The following MALRD1 variants were observed in gnomAD, a reference collection of about 807,000 sequenced individuals.
MALRD1 encodes MAM and LDL-receptor class A domain-containing protein 1.
A neutral mutation model predicts 242.1 loss-of-function variants in MALRD1; 247 were observed. The ratio of observed to expected loss-of-function variants is 1.02; its 90% CI spans 0.92 to 1.13. The LOEUF is 1.13. MALRD1 is among the 50% of genes most tolerant of loss of function. The pLI is 0.00. For missense variants in MALRD1, 2,989 were observed against 2,533.1 expected (o/e 1.18, Z -3.86); for synonymous variants, 995 against 866.6 (o/e 1.15, Z -2.60).
intron 28 of MALRD1, among the ~76,000 whole-genome samples, chr10:19,440,271 T>C (rs879840991): frequency 8.5e-5 from 13 of 152,222 alleles, no homozygotes; most frequent in Non-Finnish European, 1.8e-4. Flanking sequence ...ATTGCTATTC[T>C]GTTTCATATT....
intron 14 of MALRD1, among the ~76,000 whole-genome samples, chr10:19,183,936 C>A (rs1323252989): frequency 1.3e-5 from 2 of 152,122 alleles, no homozygotes; most frequent in Non-Finnish European, 2.9e-5. Flanking sequence ...AGTTAAAACA[C>A]CACACACTGA....
chr10:19,680,908 A>G (rs1842341656), intron 36 of MALRD1, among the ~76,000 whole-genome samples: 1 of 152,078 alleles, frequency 6.6e-6, no homozygotes, highest in Non-Finnish European at 1.5e-5. Flanking sequence ...ATGAAGCTTA[A>G]TTTGGCCAGA....
intron 2 of MALRD1, among the ~76,000 whole-genome samples, chr10:19,071,640 C>A (rs1835151645): frequency 6.6e-6 from 1 of 152,118 alleles, no homozygotes; most frequent in Non-Finnish European, 1.5e-5. Context: ...TGAGTGAACA[C>A]CAGCATCTCC....
At position 19,094,606 on chromosome 10, in the gene MALRD1, T is replaced by A. The variant is rs151026058; in HGVS notation, c.597+6421T>A. On this transcript the variant is annotated intron_variant, in intron 4 of 39. Coordinates refer to ENST00000454679, the MANE Select transcript of MALRD1 (RefSeq NM_001142308.3). The stretch of plus-strand genomic sequence containing the variant: ...CGGAGCTGTTCCTATTTGGCCATCT[T>A]GGCTCCTCCCCCAACTTCCTCTTTC... Among the ~76,000 whole-genome samples the A allele has an allele frequency of 2.2e-3, 335 of 152,250 alleles. 1 individual carries two copies. Among genetic ancestry groups the A allele is most frequent in the African/African-American group, 7.8e-3 (323 of 41,566 alleles).
At chr10:19,349,076 C>G (rs1487995616) in intron 25 of MALRD1, among the ~76,000 whole-genome samples, 1 of 152,114 alleles carries the variant, frequency 6.6e-6, no homozygotes, top group African/African-American at 2.4e-5. Flanking sequence ...GTTCTCCTGC[C>G]TCAGATGCCT....
intron 33 of MALRD1, among the ~76,000 whole-genome samples, chr10:19,591,617 G>T (rs1328660558): frequency 6.6e-6 from 1 of 150,524 alleles, no homozygotes; most frequent in Non-Finnish European, 1.5e-5. Context: ...TCTTGCCTTA[G>T]CCTACTGAGT....
In MALRD1 at chr10:19,469,922, T is replaced by G. The variant is rs79219637; in HGVS notation, c.5029+19432T>G. Among the ~76,000 whole-genome samples, 901 of 152,096 alleles carry G rather than the reference T, an allele frequency of 5.9e-3. 13 individuals are homozygous for G. The highest frequency in any genetic ancestry group is 0.024 in the Admixed American group (364 of 15,292). On this transcript the variant is annotated intron_variant, in intron 29 of 39. Transcript: ENST00000454679. ...GACATATACCACACATCCCAAAGTT[T>G]CCTCCCATCCCCTTTATTGGACTTT...
chr10:19,658,981 G>A (rs940947742), intron 36 of MALRD1, among the ~76,000 whole-genome samples: 3 of 152,154 alleles, frequency 2.0e-5, no homozygotes, highest in Admixed American at 1.3e-4. Context: ...TTTGTTATCT[G>A]TAAGTGTTTT....
At chr10:19,458,989 C>A (rs1453095380) in intron 29 of MALRD1, among the ~76,000 whole-genome samples, 2 of 152,016 alleles carry the variant, frequency 1.3e-5, no homozygotes, top group Admixed American at 1.3e-4. Context: ...ACACACAGTG[C>A]AATCTACTAC....
intron 18 of MALRD1, among the ~76,000 whole-genome samples, chr10:19,219,273 C>CTTATACTAAT (rs1368119331): frequency 2.0e-5 from 3 of 151,998 alleles, no homozygotes; most frequent in African/African-American, 7.2e-5. Context: ...GCACTGGTCA[C>CTTATACTAAT]TTATACTAAT....
chr10:19,119,736 G>A (rs559806850), intron 5 of MALRD1, among the ~76,000 whole-genome samples: 1 of 152,292 alleles, frequency 6.6e-6, no homozygotes, highest in South Asian at 2.1e-4. Flanking sequence ...TGTGACTAAT[G>A]TTAGTCCTAC....
chr10:19,725,661 C>G (rs1834988355), intron 38 of MALRD1, among the ~76,000 whole-genome samples: 1 of 152,126 alleles, frequency 6.6e-6, no homozygotes, highest in Admixed American at 6.5e-5. Context: ...TTGGAGAACT[C>G]AAACTTCCAA....
In MALRD1 at chr10:19,365,659, TAAAAAAAAAAAAAA is replaced by T. The variant is rs199989681; in HGVS notation, c.4441+13378_4441+13391del. On this transcript the variant is annotated intron_variant, in intron 26 of 39. Transcript: ENST00000454679. ...GATAATTGACATGTTTTATAAATTC[TAAAAAAAAAAAAAA>T]AAAAAAAAAAAAAAACAAGCTACTA... Among the ~76,000 whole-genome samples the T allele has an allele frequency of 3.6e-3, 440 of 122,810 alleles. 3 individuals are homozygous for T. The highest frequency in any genetic ancestry group is 9.5e-3 in the African/African-American group (327 of 34,418). 80.6% of individuals were successfully genotyped at this position (122,810 alleles called of 152,430 possible). A position where few individuals can be genotyped will look rare whatever the true frequency, so the allele number is the denominator to read the frequency against.
At chr10:19,238,507 TATAATGTATATTA>T in intron 18 of MALRD1, among the ~76,000 whole-genome samples, 3 of 52,390 alleles carry the variant, frequency 5.7e-5, no homozygotes, top group African/African-American at 2.7e-4. Flanking sequence ...TAATATAATA[TATAATGTATATTA>T]TATATAATAT....
chr10:19,258,753 C>A (rs1182229620), intron 19 of MALRD1, among the ~76,000 whole-genome samples: 10 of 152,090 alleles, frequency 6.6e-5, no homozygotes, highest in African/African-American at 2.4e-4. Context: ...CTGGAGACAG[C>A]TGAATCCCTC....
chr10:19,724,133 A>G (rs975300428), intron 38 of MALRD1, among the ~76,000 whole-genome samples: 1 of 152,188 alleles, frequency 6.6e-6, no homozygotes, highest in Admixed American at 6.5e-5. Flanking sequence ...AATTTTAAAT[A>G]TGAACTATTG....
At position 19,432,104 on chromosome 10, in the gene MALRD1, GGTTA is replaced by G. The variant is rs1834156057; in HGVS notation, c.4846-18200_4846-18197del. Among the ~76,000 whole-genome samples, 2 of 152,140 alleles carry G rather than the reference GGTTA, an allele frequency of 1.3e-5. 1 individual carries two copies. The highest frequency in any genetic ancestry group is 2.9e-5 in the Non-Finnish European group (2 of 68,034). On this transcript the variant is annotated intron_variant, in intron 28 of 39. Coordinates refer to ENST00000454679, the MANE Select transcript of MALRD1 (RefSeq NM_001142308.3). ...ATGTCATGGATTGGGGTTTTAATTA[GGTTA>G]GTGAGCCTTTTCTATACAGAGAGTA...
intron 28 of MALRD1, among the ~76,000 whole-genome samples, chr10:19,429,434 C>T (rs547951231): frequency 1.6e-4 from 24 of 152,210 alleles, no homozygotes; most frequent in African/African-American, 4.6e-4. Context: ...CGTGGTGGTG[C>T]ACACCTGTGA....
rs1163677686 is a variant in MALRD1 at position 19,562,349 on chromosome 10, A to ATAGT, written c.5479-5150_5479-5149insTTAG. On this transcript the variant is annotated intron_variant, in intron 32 of 39. Transcript: ENST00000454679. ...GATAGATAGATAGATAGATAGTTAG[A>ATAGT]TAGATAGATATCTAGATAGATAGAG... Among the ~76,000 whole-genome samples the ATAGT allele has an allele frequency of 7.3e-5, 10 of 137,674 alleles. No individual in the cohort carries two copies. In the East Asian group the frequency reaches 1.3e-3, roughly 17 times the overall value. The allele number at this position is 137,674 out of a possible 152,430, so 90.3% of individuals were successfully genotyped here. A position where few individuals can be genotyped will look rare whatever the true frequency, so the allele number is the denominator to read the frequency against.
Sources: allele counts gnomAD v4.1 joint callset (sites outside exome capture counted in the v4.1 genomes callset), GRCh38; gene constraint gnomAD v4.1.1; transcripts MANE v1.5; gene names NCBI Gene and HGNC (gene_info 2026-07-23, HGNC 2026-07-21).